NOS1: variants seen among roughly 807,000 people sequenced by gnomAD.
NOS1 encodes NOS type I.
Under a neutral mutation model 164.5 loss-of-function variants are expected in NOS1, and 51 were observed. The ratio of observed to expected loss-of-function variants is 0.31; its 90% CI spans 0.25 to 0.39. NOS1 has a LOEUF of 0.39. Among genes scored for constraint, NOS1 ranks in the 10% least tolerant of loss-of-function variants. NOS1 has a pLI of 1.00. For synonymous variants in NOS1, 719 were observed against 745.8 expected (o/e 0.96, Z 0.59); for missense variants, 1,362 against 1,885.6 (o/e 0.72, Z 5.14).
chr12:117,281,328 T>G (rs1433153063), intron 7 of NOS1, among the ~76,000 whole-genome samples: 1 of 151,248 alleles, frequency 6.6e-6, no homozygotes, highest in African/African-American at 2.4e-5. Flanking sequence ...GAGACCAGCC[T>G]GGCCAACACA....
chr12:117,249,047 GT>G (rs9658451), intron 17 of NOS1, among the ~76,000 whole-genome samples: 90 of 152,136 alleles, frequency 5.9e-4, no homozygotes, highest in African/African-American at 2.1e-3. Context: ...GGGGTTGTTT[GT>G]TTTTTTCTTG....
chr12:117,271,941 T>C (rs993389152), intron 10 of NOS1, among the ~76,000 whole-genome samples: 1 of 152,160 alleles, frequency 6.6e-6, no homozygotes, highest in African/African-American at 2.4e-5. Flanking sequence ...CCCGAGTTTG[T>C]CAGTCATCCT....
intron 9 of NOS1, among the ~76,000 whole-genome samples, chr12:117,275,163 T>C (rs540104792): frequency 3.3e-5 from 5 of 151,964 alleles, no homozygotes; most frequent in Non-Finnish European, 7.4e-5. Context: ...CATATATATA[T>C]ACACCTACTA....
At chr12:117,265,850 G>GC (rs1872355647) in intron 11 of NOS1, among the ~76,000 whole-genome samples, 1 of 151,692 alleles carries the variant, frequency 6.6e-6, no homozygotes, top group Non-Finnish European at 1.5e-5. Flanking sequence ...GAGTGCAGTG[G>GC]CGCGATCTTG....
rs997629145 is a variant in NOS1 at position 117,211,545 on chromosome 12, C to T, written c.*3764G>A. ...ATAAAGCCTAAATTTCTTGTAATGCCACTCACCTCTCCCCACGGTCTGGTC... is the reference window on the plus strand; with the variant it reads ...ATAAAGCCTAAATTTCTTGTAATGCTACTCACCTCTCCCCACGGTCTGGTC... On this transcript the variant is annotated 3_prime_UTR_variant, in exon 29 of 29. Transcript: ENST00000317775. The T allele has an allele frequency of 4.0e-5, 39 of 985,408 alleles. No homozygotes were observed. The African/African-American group carries it at 6.5e-4, about 16-fold the overall frequency. 61.0% of individuals were successfully genotyped at this position (985,408 alleles called of 1,614,324 possible).
intron 8 of NOS1, among the ~76,000 whole-genome samples, 175 bp from the exon 9 acceptor site, chr12:117,278,273 C>A (rs1437925389): frequency 6.6e-6 from 1 of 152,220 alleles, no homozygotes; most frequent in Non-Finnish European, 1.5e-5. Context: ...CCTGACATCA[C>A]CATGTATTAG....
chr12:117,263,109 G>C (rs1030346709), intron 13 of NOS1, among the ~76,000 whole-genome samples: 3 of 152,074 alleles, frequency 2.0e-5, no homozygotes, highest in Admixed American at 1.3e-4. Context: ...ATGACAGCAG[G>C]GACAGCATTT....
At chr12:117,291,019 C>CCTGG (rs1873020838) in intron 3 of NOS1, among the ~76,000 whole-genome samples, 1 of 152,106 alleles carries the variant, frequency 6.6e-6, no homozygotes, top group Admixed American at 6.5e-5. Context: ...TCGAGATCAG[C>CCTGG]CTGGCCAACT....
intron 1 of NOS1, among the ~76,000 whole-genome samples, chr12:117,351,358 A>G (rs1292104745): frequency 6.6e-6 from 1 of 152,108 alleles, no homozygotes; most frequent in Non-Finnish European, 1.5e-5. Flanking sequence ...GGCTTCGGTA[A>G]CACTGTCGCT....
intron 4 of NOS1, 99 bp downstream of exon 4, chr12:117,290,199 C>T: frequency 6.9e-7 from 1 of 1,458,098 alleles, no homozygotes; most frequent in Non-Finnish European, 9.4e-7. Flanking sequence ...CAACACCCTA[C>T]AACAGAGGAC....
intron 22 of NOS1, among the ~76,000 whole-genome samples, chr12:117,228,075 G>A (rs920985923): frequency 4.0e-5 from 6 of 151,372 alleles, no homozygotes; most frequent in African/African-American, 9.7e-5. Context: ...AACAAAGAAG[G>A]AAGGAAGGAG....
At chr12:117,284,371 G>A (rs1174214261) in intron 7 of NOS1, among the ~76,000 whole-genome samples, 3 of 152,150 alleles carry the variant, frequency 2.0e-5, no homozygotes, top group Non-Finnish European at 4.4e-5. Context: ...CAGCGTGGCC[G>A]CCACCAGCCA....
chr12:117,235,952 A>C (rs1869670840), intron 20 of NOS1, among the ~76,000 whole-genome samples: 1 of 152,216 alleles, frequency 6.6e-6, no homozygotes, highest in South Asian at 2.1e-4. Context: ...CTGAGGCGGG[A>C]GAATCGCTTG....
rs17430966 is a variant in NOS1, at chr12:117,333,407, T to C, written c.-420-1918A>G. ...TGACACTCACTTCCTCATTTCCCTT[T>C]TAGCGACTTCCCAGGGTCACCCCAG... is the stretch of plus-strand genomic sequence containing the variant. On this transcript the variant is annotated intron_variant, in intron 1 of 28. Transcript: ENST00000317775. 8.5e-3 allele frequency among the ~76,000 whole-genome samples: 1,298 copies of C among 152,206 alleles called. 23 individuals are homozygous for C. Among genetic ancestry groups the C allele is most frequent in the South Asian group, 0.068 (326 of 4,812 alleles).
intron 26 of NOS1, among the ~76,000 whole-genome samples, chr12:117,221,231 C>T (rs1192637810): frequency 1.3e-5 from 2 of 151,330 alleles, no homozygotes; most frequent in Admixed American, 1.3e-4. Context: ...CAGCTCACTA[C>T]AACCTCCGCC....
At chr12:117,262,303 G>A (rs1172041772) in intron 13 of NOS1, among the ~76,000 whole-genome samples, 1 of 151,938 alleles carries the variant, frequency 6.6e-6, no homozygotes, top group Non-Finnish European at 1.5e-5. Context: ...CTGAACTGAA[G>A]CCAACAATTG....
intron 11 of NOS1, 55 bp downstream of exon 11, chr12:117,267,988 A>G (rs1872544936): frequency 7.9e-7 from 1 of 1,259,134 alleles, no homozygotes; most frequent in Admixed American, 1.8e-5. Context: ...AAGGCTCTGA[A>G]AGGTTTGAAC....
chr12:117,226,611 C>T lies in NOS1; in HGVS notation c.3704+72G>A. The T allele has an allele frequency of 3.6e-6, 5 of 1,379,794 alleles. No homozygotes were observed. The South Asian group carries it at 4.7e-5, about 13-fold the overall frequency. 85.5% of individuals were successfully genotyped at this position (1,379,794 alleles called of 1,614,324 possible). A position where few individuals can be genotyped will look rare whatever the true frequency, so the allele number is the denominator to read the frequency against. On this transcript the variant is annotated intron_variant, in intron 24 of 28. Coordinates refer to ENST00000317775, the MANE Select transcript of NOS1 (RefSeq NM_000620.5). The stretch of plus-strand genomic sequence containing the variant: ...CTCTCTAGAACCCTTCAGACTGGTC[C>T]ACCTACCCCAACTTGTGACGTCAAT...
At chr12:117,244,627 C>T (rs1057435443) in intron 18 of NOS1, among the ~76,000 whole-genome samples, 2 of 152,194 alleles carry the variant, frequency 1.3e-5, no homozygotes, top group Non-Finnish European at 2.9e-5. Context: ...TGTTTGACCT[C>T]ATGTTGACTT....
Sources: gnomAD v4.1 joint callset for allele counts (sites outside exome capture counted in the v4.1 genomes callset) on GRCh38, gnomAD v4.1.1 for gene constraint, MANE v1.5 for transcripts, NCBI Gene and HGNC (gene_info 2026-07-23, HGNC 2026-07-21) for gene names.